Variants in CR1L observed in about 807,000 individuals in gnomAD.
CR1L encodes complement component receptor 1-like protein.
CR1L carries 59 observed loss-of-function variants against 62.3 expected under a neutral mutation model. The observed-to-expected ratio is 0.95, with a 90% confidence interval of 0.77 to 1.18. The LOEUF (loss-of-function observed/expected upper bound fraction) is 1.18. Ranked by LOEUF, CR1L falls within the 50% of genes most tolerant of loss-of-function variation. The pLI is 0.00. For synonymous variants in CR1L, 279 were observed against 248.7 expected (o/e 1.12, Z -1.15); for missense variants, 700 against 702.8 (o/e 1.00, Z 0.04).
intron 1 of CR1L, among the ~76,000 whole-genome samples, chr1:207,675,659 C>T (rs1349371727): frequency 6.6e-6 from 1 of 152,100 alleles, no homozygotes; most frequent in Non-Finnish European, 1.5e-5. Context: ...CCTCAATCTA[C>T]CCAATTAATT....
chr1:207,711,791 C>T (rs1037538785), intron 10 of CR1L, among the ~76,000 whole-genome samples: 3 of 151,676 alleles, frequency 2.0e-5, no homozygotes, highest in African/African-American at 7.3e-5. Context: ...CCTGAAATCT[C>T]ATGAGGCTGA....
chr1:207,704,446 C>T (rs1664239749), intron 9 of CR1L, among the ~76,000 whole-genome samples: 1 of 152,208 alleles, frequency 6.6e-6, no homozygotes, highest in Non-Finnish European at 1.5e-5. Context: ...GATAAAGCAG[C>T]AGCAGTATCT....
At chr1:207,710,828 A>G (rs1389691605) in intron 10 of CR1L, 25 of 1,468,180 alleles carry the variant, frequency 1.7e-5, no homozygotes, top group Admixed American at 1.5e-4. Flanking sequence ...AGTGACATGC[A>G]TTGCTGTTGG....
In CR1L at chr1:207,645,367, G is replaced by C. The variant is rs1292833685; in HGVS notation, c.97+37G>C. 5 of 1,607,488 alleles carry C rather than the reference G, an allele frequency of 3.1e-6. No homozygotes were observed. In the African/African-American group the frequency reaches 6.7e-5, roughly 21 times the overall value. Reference sequence around the variant, plus strand: ...GGGTGGATTCGCGCGTCCGCGGCGAGGCTAGAGCTCTGCTCAGTCAGTCGG... The same window carrying C: ...GGGTGGATTCGCGCGTCCGCGGCGACGCTAGAGCTCTGCTCAGTCAGTCGG... On this transcript the variant is annotated intron_variant, in intron 1 of 11. Transcript: ENST00000508064.
At chr1:207,698,709 G>A (rs1456024809) in intron 7 of CR1L, among the ~76,000 whole-genome samples, 1 of 152,142 alleles carries the variant, frequency 6.6e-6, no homozygotes, top group Non-Finnish European at 1.5e-5. Context: ...CTCTTCAGCA[G>A]CCCAAATTGC....
chr1:207,708,285 C>T (rs1249605422), intron 10 of CR1L, 22 bp downstream of exon 10: 12 of 1,609,118 alleles, frequency 7.5e-6, no homozygotes, highest in Non-Finnish European at 1.0e-5. Flanking sequence ...TCTCTTTCCC[C>T]ATTCACCCCA....
intron 11 of CR1L, among the ~76,000 whole-genome samples, chr1:207,718,089 T>C (rs1654047229): frequency 6.6e-6 from 1 of 152,240 alleles, no homozygotes. Flanking sequence ...GATGATGTAA[T>C]TTACTTCAGA....
At chr1:207,686,122 C>CCTTTCCTT (rs1663902347) in intron 4 of CR1L, among the ~76,000 whole-genome samples, 1 of 17,634 alleles carries the variant, frequency 5.7e-5, no homozygotes, top group Non-Finnish European at 8.8e-5. Context: ...CTCCCTCCCT[C>CCTTTCCTT]CCTTCCTCCC....
intron 5 of CR1L, among the ~76,000 whole-genome samples, chr1:207,695,403 T>C (rs561537520): frequency 3.3e-5 from 5 of 152,186 alleles, no homozygotes; most frequent in Non-Finnish European, 7.3e-5. Flanking sequence ...GTGCTGAGAT[T>C]ATAGGCATGA....
intron 1 of CR1L, among the ~76,000 whole-genome samples, chr1:207,663,059 G>A (rs1007812443): frequency 1.9e-4 from 29 of 152,180 alleles, no homozygotes; most frequent in African/African-American, 6.8e-4. Flanking sequence ...GCCCCTACTG[G>A]GGGGTGCCTC....
chr1:207,693,764 T>C (rs1350752469), intron 4 of CR1L, among the ~76,000 whole-genome samples: 1 of 152,088 alleles, frequency 6.6e-6, no homozygotes, highest in Non-Finnish European at 1.5e-5. Context: ...TTTTTTTTTT[T>C]ATTCTTACAT....
chr1:207,716,932 TAA>T lies in CR1L; in HGVS notation c.1415-528_1415-527del, dbSNP rs558030879. ...CCTCTTTGGCACCATTTAATCTGTG[TAA>T]AAAGAGCCTTACCAATGTAGTCTGA... On this transcript the variant is annotated intron_variant, in intron 10 of 11. Transcript: ENST00000508064. Among the ~76,000 whole-genome samples the T allele has an allele frequency of 1.1e-4, 17 of 152,314 alleles. No homozygotes were observed. The East Asian group carries it at 3.3e-3, about 29-fold the overall frequency.
At chr1:207,710,555 C>G in intron 10 of CR1L, 1 of 1,609,674 alleles carries the variant, frequency 6.2e-7, no homozygotes, top group Non-Finnish European at 8.5e-7. Context: ...CAAAGATGAT[C>G]AAGTGGTCGT....
At chr1:207,686,386 G>A (rs938781090) in intron 4 of CR1L, among the ~76,000 whole-genome samples, 16 of 151,594 alleles carry the variant, frequency 1.1e-4, no homozygotes, top group African/African-American at 3.6e-4. Flanking sequence ...TTGAATTAAG[G>A]ACATTCTCAT....
intron 1 of CR1L, among the ~76,000 whole-genome samples, chr1:207,661,584 C>T (rs1438315232): frequency 6.6e-6 from 1 of 152,134 alleles, no homozygotes; most frequent in Non-Finnish European, 1.5e-5. Context: ...ACTGATGGGT[C>T]TTGACTCTTT....
At chr1:207,698,331 G>A (rs1664139928) in intron 7 of CR1L, among the ~76,000 whole-genome samples, 1 of 152,100 alleles carries the variant, frequency 6.6e-6, no homozygotes, top group South Asian at 2.1e-4. Context: ...ATTTGTAATA[G>A]GACTGAAAGT....
intron 3 of CR1L, among the ~76,000 whole-genome samples, chr1:207,683,581 T>A (rs1306243522): frequency 6.6e-6 from 1 of 152,232 alleles, no homozygotes; most frequent in Non-Finnish European, 1.5e-5. Flanking sequence ...GAAGCTTGTG[T>A]TGTCTTTTAA....
At chr1:207,713,151 A>G (rs576091529) in intron 10 of CR1L, among the ~76,000 whole-genome samples, 1 of 152,322 alleles carries the variant, frequency 6.6e-6, no homozygotes, top group African/African-American at 2.4e-5. Context: ...TATCAGATAC[A>G]AACCTAAATA....
At chr1:207,666,188 C>A (rs2102449615) in intron 1 of CR1L, among the ~76,000 whole-genome samples, 2 of 152,306 alleles carry the variant, frequency 1.3e-5, no homozygotes, top group Middle Eastern at 6.8e-3. Flanking sequence ...GCACTGGAAA[C>A]AATTGACTCC....
Sources: gnomAD v4.1 joint callset for allele counts (sites outside exome capture counted in the v4.1 genomes callset) on GRCh38, gnomAD v4.1.1 for gene constraint, MANE v1.5 for transcripts, NCBI Gene and HGNC (gene_info 2026-07-23, HGNC 2026-07-21) for gene names.